RNF216: variants seen among roughly 807,000 people sequenced by gnomAD.
RNF216 encodes the protein ring finger protein 216, also known as E3 ubiquitin-protein ligase RNF216.
Under a neutral mutation model 110.8 loss-of-function variants are expected in RNF216, and 72 were observed. The observed-to-expected ratio is 0.65, with a 90% CI of 0.54 to 0.79. The LOEUF (loss-of-function observed/expected upper bound fraction) is 0.79, where lower values mean the gene tolerates loss of function less well. Ranked by LOEUF, RNF216 falls within the 30% of genes least tolerant of loss-of-function variation. The pLI is 0.00. For missense variants in RNF216, 1,342 were observed against 1,141.2 expected (o/e 1.18, Z -2.54); for synonymous variants, 495 against 407.5 (o/e 1.21, Z -2.59).
At chr7:5,728,832 G>A (rs1245438650) in intron 7 of RNF216, among the ~76,000 whole-genome samples, 1 of 152,184 alleles carries the variant, frequency 6.6e-6, no homozygotes, top group Non-Finnish European at 1.5e-5. Context: ...CAAGGTCTCT[G>A]CTGGTGCGTG....
chr7:5,659,433 G>C (rs1368582374), intron 13 of RNF216, among the ~76,000 whole-genome samples: 1 of 152,332 alleles, frequency 6.6e-6, no homozygotes, highest in South Asian at 2.1e-4. Context: ...TTCAGGGCAG[G>C]AGAGGGTCCG....
At chr7:5,644,082 C>T (rs957465420) in intron 14 of RNF216, among the ~76,000 whole-genome samples, 7 of 152,124 alleles carry the variant, frequency 4.6e-5, no homozygotes, top group African/African-American at 1.4e-4. Context: ...TTAGTTTATT[C>T]ATGAGTTGAT....
At chr7:5,638,879 C>T (rs1446490140) in intron 15 of RNF216, among the ~76,000 whole-genome samples, 3 of 152,134 alleles carry the variant, frequency 2.0e-5, no homozygotes, top group African/African-American at 4.8e-5. Context: ...AAGTGATGCT[C>T]CTGCCTTGAC....
intron 4 of RNF216, 83 bp downstream of exon 4, chr7:5,740,890 C>T: frequency 9.0e-7 from 1 of 1,116,798 alleles, no homozygotes; most frequent in Non-Finnish European, 1.2e-6. Flanking sequence ...ATACCAACAA[C>T]TTTTTTTTTT....
At chr7:5,672,545 G>A (rs961111125) in intron 13 of RNF216, among the ~76,000 whole-genome samples, 7 of 152,178 alleles carry the variant, frequency 4.6e-5, no homozygotes, top group African/African-American at 1.7e-4. Flanking sequence ...TTGAATTGAT[G>A]TTCTGAGAAT....
chr7:5,689,322 C>G (rs944438286), intron 13 of RNF216, among the ~76,000 whole-genome samples: 1 of 148,418 alleles, frequency 6.7e-6, no homozygotes, highest in Non-Finnish European at 1.5e-5. Flanking sequence ...AACCATGACT[C>G]ACTCCAAGAC....
At chr7:5,742,734 T>C (rs1300516106) in intron 3 of RNF216, among the ~76,000 whole-genome samples, 1 of 151,770 alleles carries the variant, frequency 6.6e-6, no homozygotes, top group South Asian at 2.1e-4. Context: ...TAGCTGGGAT[T>C]ATAGGCGCAC....
chr7:5,722,285 T>C (rs1350581847), intron 8 of RNF216, among the ~76,000 whole-genome samples: 1 of 152,178 alleles, frequency 6.6e-6, no homozygotes, highest in Non-Finnish European at 1.5e-5. Context: ...TTGTCTGTTC[T>C]TGGTAATCTC....
chr7:5,623,346 T>C (rs1258908315), intron 16 of RNF216, among the ~76,000 whole-genome samples, 167 bp from the exon 17 acceptor site: 1 of 151,966 alleles, frequency 6.6e-6, no homozygotes, highest in Non-Finnish European at 1.5e-5. Context: ...CAAGAACAAA[T>C]CTGTACTTCC....
At chr7:5,781,044 T>A (rs1191543452) in intron 1 of RNF216, among the ~76,000 whole-genome samples, 1 of 151,760 alleles carries the variant, frequency 6.6e-6, no homozygotes, top group Non-Finnish European at 1.5e-5. Context: ...GAGTGCCGGG[T>A]GACAGTCGCC....
At chr7:5,715,334 G>A (rs1792978683) in intron 10 of RNF216, 144 bp from the exon 11 acceptor site, 4 of 693,848 alleles carry the variant, frequency 5.8e-6, no homozygotes, top group Non-Finnish European at 9.9e-6. Context: ...ACAATGATAT[G>A]CTGTTTCGTG....
chr7:5,759,169 C>T (rs1795798318), intron 2 of RNF216, among the ~76,000 whole-genome samples: 1 of 152,094 alleles, frequency 6.6e-6, no homozygotes, highest in South Asian at 2.1e-4. Context: ...AGCGTGCTTC[C>T]CCTTTTCCTT....
intron 13 of RNF216, among the ~76,000 whole-genome samples, chr7:5,703,046 T>A (rs571899281): frequency 3.9e-5 from 6 of 152,190 alleles, no homozygotes; most frequent in Non-Finnish European, 8.8e-5. Context: ...GGACCCATGC[T>A]GGGCTCTGAA....
rs1792974223 is a variant in RNF216, at chr7:5,715,258, T to A, written c.1696-68A>T. 11 of 1,495,720 alleles carry A rather than the reference T, an allele frequency of 7.4e-6. No homozygotes were observed. The South Asian group carries it at 9.6e-5, about 13-fold the overall frequency. 92.7% of individuals were successfully genotyped at this position (1,495,720 alleles called of 1,614,324 possible). On this transcript the variant is annotated intron_variant, in intron 10 of 16. Transcript: ENST00000389902. ...AGGAGAGGGGGAGCCTTGTCTCCCA[T>A]CCTCATCTCTCTGCCACCCCCCACA...
intron 13 of RNF216, among the ~76,000 whole-genome samples, chr7:5,687,265 G>T (rs555016851): frequency 6.6e-6 from 1 of 151,650 alleles, no homozygotes; most frequent in Non-Finnish European, 1.5e-5. Context: ...GCATGGTGGC[G>T]GGCGCCTGTA....
Position 5,752,879 on chromosome 7 carries a change from T to C in RNF216, c.168A>G (p.Glu56=), listed in dbSNP as rs370004752. ...GGATGACATCATCATCCAGGTCCTC[T>C]TCTTCATGCTGCTGAGGAGCTGGGG... ...LVTPAPQQHE[E]EDLDDDVILT... Residue 56 remains glutamate, a synonymous_variant, in exon 3 of 17, where the codon GAA becomes GAG. Transcript: ENST00000389902. The C allele has an allele frequency of 1.9e-6, 3 of 1,612,740 alleles. No homozygotes were observed. Among genetic ancestry groups the C allele is most frequent in the African/African-American group, 1.3e-5 (1 of 75,034 alleles).
At chr7:5,669,193 T>C (rs978756542) in intron 13 of RNF216, among the ~76,000 whole-genome samples, 2 of 152,206 alleles carry the variant, frequency 1.3e-5, no homozygotes, top group African/African-American at 2.4e-5. Context: ...GCTCCAGCTA[T>C]ACCTACTAAG....
intron 14 of RNF216, among the ~76,000 whole-genome samples, chr7:5,652,021 A>T (rs1032547597): frequency 1.3e-5 from 2 of 152,216 alleles, no homozygotes; most frequent in Non-Finnish European, 2.9e-5. Context: ...TTATTATCAC[A>T]GGCGTATCAT....
chr7:5,688,780 C>T (rs1791144031), intron 13 of RNF216, among the ~76,000 whole-genome samples: 1 of 152,046 alleles, frequency 6.6e-6, no homozygotes, highest in Non-Finnish European at 1.5e-5. Context: ...TAGGATTGGG[C>T]AATTCTCAGT....
Sources: gnomAD v4.1 joint callset for allele counts (sites outside exome capture counted in the v4.1 genomes callset) on GRCh38, gnomAD v4.1.1 for gene constraint, MANE v1.5 for transcripts, NCBI Gene and HGNC (gene_info 2026-07-23, HGNC 2026-07-21) for gene names.